The following DCDC1 variants were observed in gnomAD, a reference collection of about 807,000 sequenced individuals.
The protein encoded by DCDC1 is doublecortin domain containing 1.
DCDC1 carries 200 observed loss-of-function variants against 178.3 expected under a neutral mutation model. The ratio of observed to expected loss-of-function variants is 1.12; its 90% CI spans 1.00 to 1.26. DCDC1 has a LOEUF of 1.26. Among genes scored for constraint, DCDC1 ranks in the 50% most tolerant of loss-of-function variants. The pLI is 0.00. For missense variants in DCDC1, 1,983 were observed against 1,749.2 expected, an observed-to-expected ratio of 1.13 and a Z score of -2.38; for synonymous variants, 690 against 604.8, an observed-to-expected ratio of 1.14 and a Z score of -2.07.
At chr11:31,174,267 C>T (rs1292487800) in intron 9 of DCDC1, among the ~76,000 whole-genome samples, 4 of 152,244 alleles carry the variant, frequency 2.6e-5, no homozygotes, top group African/African-American at 7.2e-5. Flanking sequence ...ACTGCCTGTC[C>T]TCTCCCAGTT....
intron 20 of DCDC1, among the ~76,000 whole-genome samples, chr11:30,959,629 T>A (rs937332133): frequency 2.6e-5 from 4 of 152,124 alleles, no homozygotes; most frequent in Admixed American, 2.6e-4. Context: ...AGATAAAATA[T>A]TGTCCCACAG....
intron 6 of DCDC1, among the ~76,000 whole-genome samples, chr11:31,293,872 T>C (rs1310750165): frequency 6.6e-6 from 1 of 152,200 alleles, no homozygotes; most frequent in East Asian, 1.9e-4. Flanking sequence ...GCCACTACCA[T>C]ATATCTCAAA....
intron 9 of DCDC1, chr11:31,156,079 T>C (rs889566529): frequency 3.9e-5 from 6 of 152,194 alleles, no homozygotes; most frequent in Non-Finnish European, 7.4e-5. Context: ...AAGAAACAGA[T>C]AGTAAATACT....
At chr11:31,075,156 TC>T (rs1956791743) in intron 18 of DCDC1, among the ~76,000 whole-genome samples, 1 of 152,242 alleles carries the variant, frequency 6.6e-6, no homozygotes, top group African/African-American at 2.4e-5. Flanking sequence ...GTTTTGTCTT[TC>T]TTTTTCTGAG....
chr11:31,345,682 T>A (rs1487494143), intron 1 of DCDC1, among the ~76,000 whole-genome samples: 1 of 152,190 alleles, frequency 6.6e-6, no homozygotes, highest in Non-Finnish European at 1.5e-5. Flanking sequence ...TTCTCATCAT[T>A]CGTCTTTGGA....
At chr11:30,993,668 G>C (rs1267457138) in intron 20 of DCDC1, among the ~76,000 whole-genome samples, 2 of 151,896 alleles carry the variant, frequency 1.3e-5, no homozygotes, top group Non-Finnish European at 2.9e-5. Context: ...TATAATAAGT[G>C]AATACTACCA....
Position 30,892,676 on chromosome 11 carries a change from C to A in DCDC1, c.5082+142G>T, listed in dbSNP as rs193258092. The A allele has an allele frequency of 2.7e-4, 246 of 903,130 alleles. 1 individual carries two copies. The highest frequency in any genetic ancestry group is 4.3e-5 in the Non-Finnish European group (26 of 599,580). 55.9% of individuals were successfully genotyped at this position (903,130 alleles called of 1,614,324 possible). ...AAGTTCATTCAATCATGAGATCAAT[C>A]CTATGAGGAAAGTACTGTTACTATT... is the stretch of plus-strand genomic sequence containing the variant. On this transcript the variant is annotated intron_variant, in intron 36 of 38. Transcript: ENST00000684477.
chr11:30,989,696 T>C (rs1242616326), intron 20 of DCDC1, among the ~76,000 whole-genome samples: 2 of 152,202 alleles, frequency 1.3e-5, no homozygotes, highest in South Asian at 2.1e-4. Flanking sequence ...AATGTATTTA[T>C]AGAGTCGGAG....
At chr11:31,235,561 A>T (rs1336283136) in intron 9 of DCDC1, among the ~76,000 whole-genome samples, 1 of 152,058 alleles carries the variant, frequency 6.6e-6, no homozygotes, top group African/African-American at 2.4e-5. Context: ...TTTCCATATT[A>T]GTTCATTCAA....
chr11:30,951,942 G>T (rs751579075), intron 21 of DCDC1, among the ~76,000 whole-genome samples: 4 of 152,192 alleles, frequency 2.6e-5, no homozygotes, highest in Non-Finnish European at 4.4e-5. Flanking sequence ...GACAAAAATT[G>T]CCAGATAAAA....
Position 30,998,170 on chromosome 11 carries a change from T to C in DCDC1, c.2592-45602A>G, listed in dbSNP as rs531424733. On this transcript the variant is annotated intron_variant, in intron 20 of 38. Transcript: ENST00000684477. ...ATTAGTCCAGTGTTGCATGCAACTG[T>C]AGTCCTAGCTACTCAGGGGGCTGAG... is the stretch of plus-strand genomic sequence containing the variant. 3.9e-5 allele frequency among the ~76,000 whole-genome samples: 6 copies of C among 152,222 alleles called. No individual in the cohort carries two copies. The South Asian group carries it at 1.0e-3, about 26-fold the overall frequency.
chr11:30,992,257 C>G (rs1057502422), intron 20 of DCDC1, among the ~76,000 whole-genome samples: 1 of 152,136 alleles, frequency 6.6e-6, no homozygotes, highest in Admixed American at 6.6e-5. Context: ...AGGTCTGAAT[C>G]CTACTTTCCA....
At chr11:31,022,325 G>C (rs760087973) in intron 20 of DCDC1, among the ~76,000 whole-genome samples, 1 of 152,100 alleles carries the variant, frequency 6.6e-6, no homozygotes, top group Non-Finnish European at 1.5e-5. Context: ...TTGACAGATA[G>C]TATGTTCCCT....
intron 20 of DCDC1, among the ~76,000 whole-genome samples, chr11:30,962,288 G>T (rs1308275172): frequency 6.6e-6 from 1 of 151,856 alleles, no homozygotes; most frequent in Non-Finnish European, 1.5e-5. Flanking sequence ...GTTGAAATTT[G>T]TTCATCTGCC....
At chr11:30,972,360 T>C (rs768089707) in intron 20 of DCDC1, among the ~76,000 whole-genome samples, 12 of 152,070 alleles carry the variant, frequency 7.9e-5, no homozygotes, top group Admixed American at 5.2e-4. Context: ...ACATGTTATA[T>C]CCAGAAAAGT....
intron 1 of DCDC1, among the ~76,000 whole-genome samples, chr11:31,364,350 A>G (rs1218753224): frequency 2.0e-5 from 3 of 152,176 alleles, no homozygotes; most frequent in African/African-American, 7.2e-5. Flanking sequence ...GGTGATAAGA[A>G]AAAAGAGAAA....
At chr11:31,272,239 A>G (rs1003224634) in intron 7 of DCDC1, among the ~76,000 whole-genome samples, 7 of 151,846 alleles carry the variant, frequency 4.6e-5, no homozygotes, top group Admixed American at 3.9e-4. Context: ...ACCTGCCACC[A>G]TGACTCAATT....
At chr11:31,271,138 T>TCTC (rs1199724616) in intron 7 of DCDC1, among the ~76,000 whole-genome samples, 1 of 152,154 alleles carries the variant, frequency 6.6e-6, no homozygotes, top group African/African-American at 2.4e-5. Context: ...GATGACATGA[T>TCTC]CTCCTATGTC....
intron 16 of DCDC1, among the ~76,000 whole-genome samples, chr11:31,093,655 A>G (rs145660528): frequency 6.6e-6 from 1 of 152,344 alleles, no homozygotes; most frequent in East Asian, 1.9e-4. Flanking sequence ...CTAAGACAAT[A>G]TGCAAAGTTG....
Sources: gnomAD v4.1 joint callset for allele counts (sites outside exome capture counted in the v4.1 genomes callset) on GRCh38, gnomAD v4.1.1 for gene constraint, MANE v1.5 for transcripts, NCBI Gene and HGNC (gene_info 2026-07-23, HGNC 2026-07-21) for gene names.